The following KLHL1 variants were observed in gnomAD, a reference collection of about 807,000 sequenced individuals.
KLHL1 encodes the protein kelch like family member 1.
KLHL1 carries 47 observed loss-of-function variants against 77.7 expected under a neutral mutation model. The ratio of observed to expected loss-of-function variants is 0.60; its 90% CI spans 0.48 to 0.77. KLHL1 has a LOEUF of 0.77. KLHL1 is among the 30% of genes least tolerant of loss of function. The pLI is 0.00. For missense variants in KLHL1, 925 were observed against 910.8 expected (o/e 1.02, Z -0.20); for synonymous variants, 360 against 325.2 (o/e 1.11, Z -1.15).
At chr13:69,983,947 A>G (rs1884792006) in intron 1 of KLHL1, among the ~76,000 whole-genome samples, 1 of 152,104 alleles carries the variant, frequency 6.6e-6, no homozygotes, top group African/African-American at 2.4e-5. Flanking sequence ...GGAAAACTGG[A>G]TATTCACATG....
rs146661967 is a variant in KLHL1, at chr13:70,053,336, A to G, written c.497+53867T>C. On this transcript the variant is annotated intron_variant, in intron 1 of 10. Transcript: ENST00000377844. ...TGAAAGATAAGTTAGGGCCAGATCT[A>G]GAGAGCATAATATGTGGCATTAAGG... Among the ~76,000 whole-genome samples, 643 of 152,226 alleles carry G rather than the reference A, an allele frequency of 4.2e-3. 4 individuals carry two copies. Among genetic ancestry groups the G allele is most frequent in the African/African-American group, 0.014 (602 of 41,568 alleles).
At chr13:70,051,854 A>G (rs1424672695) in intron 1 of KLHL1, among the ~76,000 whole-genome samples, 2 of 151,988 alleles carry the variant, frequency 1.3e-5, no homozygotes, top group Admixed American at 6.6e-5. Flanking sequence ...CTTGATATCT[A>G]CATTTGTTTT....
rs746905688 is a variant in KLHL1, at chr13:69,719,619, A to G, written c.1803-38T>C. 1.5e-5 allele frequency: 23 copies of G among 1,508,414 alleles called. No individual in the cohort carries two copies. In the Middle Eastern group the frequency reaches 1.1e-3, roughly 70 times the overall value. 93.4% of individuals were successfully genotyped at this position (1,508,414 alleles called of 1,614,324 possible). A position where few individuals can be genotyped will look rare whatever the true frequency, so the allele number is the denominator to read the frequency against. ...TTGGAAAAATGTGATTTAATATCATAGTCTGGATGACAAAATATAGAAAAG... is the reference window on the plus strand; with the variant it reads ...TTGGAAAAATGTGATTTAATATCATGGTCTGGATGACAAAATATAGAAAAG... On this transcript the variant is annotated intron_variant, in intron 8 of 10. Transcript: ENST00000377844.
intron 4 of KLHL1, among the ~76,000 whole-genome samples, chr13:69,882,927 T>C (rs1007298446): frequency 3.9e-5 from 6 of 152,288 alleles, no homozygotes; most frequent in South Asian, 2.1e-4. Flanking sequence ...AGATGCACCA[T>C]TGTTTATTCA....
At chr13:69,975,901 A>G in intron 1 of KLHL1, 99 bp from the exon 2 acceptor site, 1 of 1,307,022 alleles carries the variant, frequency 7.7e-7, no homozygotes, top group Non-Finnish European at 9.9e-7. Flanking sequence ...TCATTTTCTT[A>G]AGAAAACTAA....
intron 1 of KLHL1, among the ~76,000 whole-genome samples, chr13:70,088,679 G>C (rs1370333253): frequency 6.6e-6 from 1 of 151,974 alleles, no homozygotes; most frequent in African/African-American, 2.4e-5. Flanking sequence ...GCAAGACCCT[G>C]TCTCATAAAC....
chr13:70,012,855 A>T (rs1244574179), intron 1 of KLHL1, among the ~76,000 whole-genome samples: 6 of 151,836 alleles, frequency 4.0e-5, no homozygotes, highest in Admixed American at 3.9e-4. Context: ...GTGAGGTGAG[A>T]TCTCGCCCCT....
chr13:69,950,980 T>C (rs1361622000), intron 3 of KLHL1, among the ~76,000 whole-genome samples: 1 of 151,632 alleles, frequency 6.6e-6, no homozygotes, highest in East Asian at 1.9e-4. Context: ...TTAAAATATT[T>C]TGAATACTCA....
At chr13:69,998,421 A>G (rs911360742) in intron 1 of KLHL1, among the ~76,000 whole-genome samples, 7 of 152,058 alleles carry the variant, frequency 4.6e-5, no homozygotes, top group African/African-American at 1.4e-4. Context: ...TCATCTCCTA[A>G]GAGAGAATGG....
intron 1 of KLHL1, among the ~76,000 whole-genome samples, chr13:70,022,677 G>C (rs7996810): frequency 0.85 from 129,038 of 151,814 alleles, 55,198 homozygotes; most frequent in East Asian, 0.92. Context: ...CTTATGTATG[G>C]AAATCAGTGG....
intron 7 of KLHL1, among the ~76,000 whole-genome samples, chr13:69,747,956 A>G (rs182129017): frequency 1.7e-4 from 26 of 152,204 alleles, no homozygotes; most frequent in Admixed American, 1.5e-3. Context: ...TATTTAATAT[A>G]ATAAGCCAAG....
chr13:69,961,569 T>C, intron 2 of KLHL1, 125 bp from the exon 3 acceptor site: 1 of 1,019,394 alleles, frequency 9.8e-7, no homozygotes, highest in Non-Finnish European at 1.4e-6. Flanking sequence ...TTTTATTTAT[T>C]GCCTCATGAG....
chr13:70,032,291 A>C (rs987686663), intron 1 of KLHL1, among the ~76,000 whole-genome samples: 12 of 152,318 alleles, frequency 7.9e-5, no homozygotes, highest in East Asian at 5.8e-4. Context: ...CGAAGTCCAA[A>C]AGCTTGGATA....
chr13:69,882,725 T>C (rs1881048141), intron 4 of KLHL1, among the ~76,000 whole-genome samples: 1 of 152,204 alleles, frequency 6.6e-6, no homozygotes, highest in Admixed American at 6.5e-5. Flanking sequence ...AGGATTATAA[T>C]GCTGAGCTTT....
At chr13:69,822,753 C>T (rs933372609) in intron 6 of KLHL1, among the ~76,000 whole-genome samples, 3 of 151,838 alleles carry the variant, frequency 2.0e-5, no homozygotes, top group African/African-American at 7.3e-5. Flanking sequence ...TGTATAATTG[C>T]TATAAAATAT....
chr13:69,831,063 AC>A lies in KLHL1; in HGVS notation c.1414+7912del, dbSNP rs550890433. On this transcript the variant is annotated intron_variant, in intron 6 of 10. Transcript: ENST00000377844. ...AGCTAGAGAAACAAGAACAAATCAA[AC>A]CCAAACCCAGTAGAAGAAAAAAAAA... is the stretch of plus-strand genomic sequence containing the variant. 5.5e-3 allele frequency among the ~76,000 whole-genome samples: 813 copies of A among 148,964 alleles called. 67 individuals carry two copies. The highest frequency in any genetic ancestry group is 0.019 in the African/African-American group (750 of 39,314).
intron 4 of KLHL1, among the ~76,000 whole-genome samples, chr13:69,915,481 G>T (rs147457572): frequency 6.6e-6 from 1 of 152,162 alleles, no homozygotes; most frequent in African/African-American, 2.4e-5. Context: ...TGACAAAAAC[G>T]AGAAATGGGG....
intron 7 of KLHL1, among the ~76,000 whole-genome samples, chr13:69,767,601 A>C (rs2137976222): frequency 6.6e-6 from 1 of 152,258 alleles, no homozygotes; most frequent in South Asian, 2.1e-4. Flanking sequence ...CCAATCCTTA[A>C]ATTAAAATTA....
chr13:69,775,558 G>A (rs1222370675), intron 7 of KLHL1, among the ~76,000 whole-genome samples: 1 of 152,110 alleles, frequency 6.6e-6, no homozygotes, highest in Non-Finnish European at 1.5e-5. Flanking sequence ...TCTAGCTAGG[G>A]TTATTGGAGT....
Sources: allele counts gnomAD v4.1 joint callset (sites outside exome capture counted in the v4.1 genomes callset), GRCh38; gene constraint gnomAD v4.1.1; transcripts MANE v1.5; gene names NCBI Gene and HGNC (gene_info 2026-07-23, HGNC 2026-07-21).